Variants in TMX3 observed in about 807,000 individuals in gnomAD.
TMX3 encodes protein disulfide-isomerase TMX3.
Under a neutral mutation model 64.4 loss-of-function variants are expected in TMX3, and 40 were observed. The observed-to-expected ratio is 0.62, with a 90% CI of 0.48 to 0.81. The LOEUF (loss-of-function observed/expected upper bound fraction) is 0.81, where lower values mean the gene tolerates loss of function less well. Ranked by LOEUF, TMX3 falls within the 30% of genes least tolerant of loss-of-function variation. The pLI is 0.00. For synonymous variants in TMX3, 189 were observed against 175.7 expected, an observed-to-expected ratio of 1.08 and a Z score of -0.60; for missense variants, 497 against 534.5, an observed-to-expected ratio of 0.93 and a Z score of 0.69.
At chr18:68,681,907 T>C (rs1229324704) in intron 13 of TMX3, among the ~76,000 whole-genome samples, 1 of 152,182 alleles carries the variant, frequency 6.6e-6, no homozygotes, top group Non-Finnish European at 1.5e-5. Flanking sequence ...CTACTACCTG[T>C]CATACTTGCT....
chr18:68,683,023 G>A (rs939557983), intron 12 of TMX3, 42 bp from the exon 13 acceptor site: 2 of 1,567,032 alleles, frequency 1.3e-6, no homozygotes, highest in African/African-American at 1.4e-5. Context: ...AAAGGAGAGG[G>A]GGTGGGGGGA....
At chr18:68,709,985 G>A in intron 4 of TMX3, 36 bp downstream of exon 4, 1 of 1,536,110 alleles carries the variant, frequency 6.5e-7, no homozygotes, top group Non-Finnish European at 8.7e-7. Context: ...TTTTTGCTGT[G>A]AGAACAGTAA....
At chr18:68,697,686 G>T (rs754847412) in intron 7 of TMX3, 3 of 439,132 alleles carry the variant, frequency 6.8e-6, no homozygotes, top group Non-Finnish European at 1.2e-5. Flanking sequence ...AAATAACCAG[G>T]TTAATAACAG....
intron 13 of TMX3, among the ~76,000 whole-genome samples, chr18:68,681,831 T>C (rs907552446): frequency 1.3e-5 from 2 of 152,186 alleles, no homozygotes; most frequent in African/African-American, 4.8e-5. Flanking sequence ...GTGTCTCTAG[T>C]GAGATTTCCC....
chr18:68,691,198 G>A, intron 9 of TMX3, 97 bp downstream of exon 9: 1 of 761,280 alleles, frequency 1.3e-6, no homozygotes, highest in Non-Finnish European at 2.0e-6. Flanking sequence ...TATTCTCATT[G>A]AACAGTAGAA....
intron 4 of TMX3, 41 bp downstream of exon 4, chr18:68,709,980 G>C (rs773491706): frequency 6.6e-7 from 1 of 1,518,364 alleles, no homozygotes; most frequent in Non-Finnish European, 8.8e-7. Context: ...AAATGTTTTT[G>C]CTGTGAGAAC....
intron 5 of TMX3, 70 bp from the exon 6 acceptor site, chr18:68,700,555 C>T: frequency 8.6e-7 from 1 of 1,165,426 alleles, no homozygotes; most frequent in Non-Finnish European, 1.2e-6. Context: ...TAATCATTAT[C>T]TATTGTTTCA....
intron 8 of TMX3, among the ~76,000 whole-genome samples, chr18:68,692,481 C>A (rs1419649981): frequency 6.6e-6 from 1 of 152,134 alleles, no homozygotes; most frequent in Non-Finnish European, 1.5e-5. Context: ...TGTCTGAATT[C>A]ATCCTTGTAC....
chr18:68,673,845 CAG>C lies in TMX3; in HGVS notation c.*3086_*3087del, dbSNP rs1475925915. On this transcript the variant is annotated 3_prime_UTR_variant, in exon 16 of 16. Transcript: ENST00000299608. ...ATTATTTTTTGCCCACTCTTGGACT[CAG>C]ACACATTCAGAAAAAATATATATTT... The C allele has an allele frequency of 6.6e-6, 1 of 152,076 alleles. No individual in the cohort carries two copies. Among genetic ancestry groups the C allele is most frequent in the Non-Finnish European group, 1.5e-5 (1 of 68,016 alleles). 9.4% of individuals were successfully genotyped at this position (152,076 alleles called of 1,614,324 possible).
intron 2 of TMX3, among the ~76,000 whole-genome samples, chr18:68,712,385 T>C (rs899283411): frequency 2.0e-5 from 3 of 152,168 alleles, no homozygotes; most frequent in Admixed American, 1.3e-4. Flanking sequence ...TATGGTGTCT[T>C]CTCACAACTG....
intron 10 of TMX3, among the ~76,000 whole-genome samples, chr18:68,685,410 TCTAA>T (rs1158263683): frequency 1.1e-4 from 16 of 152,340 alleles, no homozygotes; most frequent in African/African-American, 3.4e-4. Flanking sequence ...CCTTCAGTCT[TCTAA>T]CTCTCTGATG....
intron 10 of TMX3, among the ~76,000 whole-genome samples, 154 bp from the exon 11 acceptor site, chr18:68,684,639 G>A (rs545300740): frequency 1.6e-3 from 245 of 152,102 alleles, no homozygotes; most frequent in Non-Finnish European, 2.7e-3. Flanking sequence ...AACACATTAC[G>A]GTATATGTTT....
rs987463264 is a variant in TMX3 at position 68,684,484 on chromosome 18, T to C, written c.738A>G (p.Gly246=). 1 of 1,612,384 alleles carries C rather than the reference T, an allele frequency of 6.2e-7. No homozygotes were observed. Among genetic ancestry groups the C allele is most frequent in the African/African-American group, 1.3e-5 (1 of 74,904 alleles). The change falls in exon 11 of 16, where the codon GGA becomes GGG. Residue 246 remains glycine, a splice_region_variant and synonymous_variant. Coordinates refer to ENST00000299608, the MANE Select transcript of TMX3 (RefSeq NM_019022.5). ...CAATAACTGCAAGAGCCACAAGCTTTCCTGAAATAAAGAATGACACATCTG... is the reference window on the plus strand; with the variant it reads ...CAATAACTGCAAGAGCCACAAGCTTCCCTGAAATAAAGAATGACACATCTG... ...GFLLYELGDT[G]KLVALAVIDE...
At chr18:68,713,134 A>G (rs1425664442) in intron 2 of TMX3, among the ~76,000 whole-genome samples, 1 of 152,136 alleles carries the variant, frequency 6.6e-6, no homozygotes, top group African/African-American at 2.4e-5. Flanking sequence ...GCACTGAACA[A>G]AAGTCTTCTG....
In TMX3 at chr18:68,701,639, C is replaced by A. The variant is rs576806239; in HGVS notation, c.311+106G>T. 8.3e-6 allele frequency: 13 copies of A among 1,558,250 alleles called. No individual in the cohort carries two copies. In the African/African-American group the frequency reaches 9.5e-5, roughly 11 times the overall value. ...ACTTCACCTATGAAGAATGGCCAAA[C>A]CCCAATCTTCAATCCTCCAGGGAAT... On this transcript the variant is annotated intron_variant, in intron 5 of 15. Coordinates refer to ENST00000299608, the MANE Select transcript of TMX3 (RefSeq NM_019022.5).
chr18:68,676,974 C>G lies in TMX3; in HGVS notation c.1324G>C (p.Val442Leu). Residue 442 changes from valine to leucine, a missense_variant, in exon 16 of 16, where the codon GTG becomes CTG. Physicochemically the swap from Val to Leu is conservative, Grantham distance 32. This residue lies in a region of TMX3 where 94 missense variants were observed against 75.8 expected (regional missense o/e 1.24). Coordinates refer to ENST00000299608, the MANE Select transcript of TMX3 (RefSeq NM_019022.5). ...PSSGGSVVPT[V>L]QEPKDVLEKK... ...TCTAATACATCCTTGGGCTCCTGCA[C>G]TGTAGGCACTACAGATCCTCCACTG... The G allele has an allele frequency of 6.2e-7, 1 of 1,613,816 alleles. No homozygotes were observed. Among genetic ancestry groups the G allele is most frequent in the East Asian group, 2.2e-5 (1 of 44,880 alleles).
In TMX3 at chr18:68,675,951, C is replaced by T. The variant is rs1912893009; in HGVS notation, c.*982G>A. The T allele has an allele frequency of 6.6e-6, 1 of 152,022 alleles. No individual in the cohort carries two copies. The highest frequency in any genetic ancestry group is 2.1e-4 in the South Asian group (1 of 4,816). The allele number at this position is 152,022 out of a possible 1,614,324, so 9.4% of individuals were successfully genotyped here. A position where few individuals can be genotyped will look rare whatever the true frequency, so the allele number is the denominator to read the frequency against. ...GAAGCAGACACGGACAGGTCTACAG[C>T]ATTACATAATAGATGTGTCAATAAA... is the stretch of plus-strand genomic sequence containing the variant. On this transcript the variant is annotated 3_prime_UTR_variant, in exon 16 of 16. Transcript: ENST00000299608.
At chr18:68,684,059 A>G (rs1012244222) in intron 12 of TMX3, 131 bp downstream of exon 12, 5 of 718,518 alleles carry the variant, frequency 7.0e-6, no homozygotes, top group Non-Finnish European at 1.2e-5. Flanking sequence ...TGGATAAGCG[A>G]GGATTACTGT....
intron 11 of TMX3, 66 bp from the exon 12 acceptor site, chr18:68,684,309 G>GT: frequency 6.7e-7 from 1 of 1,495,584 alleles, no homozygotes; most frequent in Non-Finnish European, 9.3e-7. Flanking sequence ...TTCAATGATA[G>GT]TATCTGCTGT....
Sources: allele counts gnomAD v4.1 joint callset (sites outside exome capture counted in the v4.1 genomes callset), GRCh38; gene constraint gnomAD v4.1.1; regional missense constraint gnomAD v4.1.1; transcripts MANE v1.5; gene names NCBI Gene and HGNC (gene_info 2026-07-23, HGNC 2026-07-21).